CSMD1: variants seen among roughly 807,000 people sequenced by gnomAD.
CSMD1 encodes the protein CUB and Sushi multiple domains 1.
CSMD1 carries 213 observed loss-of-function variants against 417.5 expected under a neutral mutation model. The observed-to-expected ratio is 0.51, with a 90% CI of 0.46 to 0.57. The LOEUF (loss-of-function observed/expected upper bound fraction) is 0.57, where lower values mean the gene tolerates loss of function less well. Ranked by LOEUF, CSMD1 falls within the 20% of genes least tolerant of loss-of-function variation. CSMD1 has a pLI of 0.00. For missense variants in CSMD1, 6,923 were observed against 4,529.7 expected, an observed-to-expected ratio of 1.53 and a Z score of -15.17; for synonymous variants, 2,862 against 1,736.8, an observed-to-expected ratio of 1.65 and a Z score of -16.11.
chr8:3,441,036 A>G (rs1563392475), intron 12 of CSMD1, among the ~76,000 whole-genome samples: 1 of 152,198 alleles, frequency 6.6e-6, no homozygotes, highest in African/African-American at 2.4e-5. Flanking sequence ...CACATCCAAA[A>G]TACGAATGCC....
intron 1 of CSMD1, among the ~76,000 whole-genome samples, chr8:4,835,855 G>C (rs1343507538): frequency 6.6e-6 from 1 of 151,668 alleles, no homozygotes; most frequent in East Asian, 1.9e-4. Context: ...AACTACTATG[G>C]TCACTAAGTG....
chr8:4,350,084 T>C (rs1164654070), intron 3 of CSMD1, among the ~76,000 whole-genome samples: 3 of 152,162 alleles, frequency 2.0e-5, no homozygotes, highest in Non-Finnish European at 2.9e-5. Flanking sequence ...CCCTGAAACA[T>C]GACTTATGAG....
intron 25 of CSMD1, among the ~76,000 whole-genome samples, chr8:3,297,727 A>T (rs906010099): frequency 6.6e-6 from 1 of 152,204 alleles, no homozygotes; most frequent in East Asian, 1.9e-4. Flanking sequence ...TAATATTTGT[A>T]TAGCTTTGGG....
chr8:4,392,357 G>C (rs1377233635), intron 3 of CSMD1, among the ~76,000 whole-genome samples: 1 of 152,134 alleles, frequency 6.6e-6, no homozygotes, highest in Admixed American at 6.5e-5. Context: ...ACATGAGGAG[G>C]AGCAGTAAAG....
chr8:3,899,475 G>A (rs764659369), intron 5 of CSMD1, among the ~76,000 whole-genome samples: 1 of 152,162 alleles, frequency 6.6e-6, no homozygotes, highest in East Asian at 1.9e-4. Flanking sequence ...AACCGCAGAG[G>A]TGGGTAGAAA....
intron 1 of CSMD1, among the ~76,000 whole-genome samples, chr8:4,822,006 T>G (rs971628502): frequency 1.3e-5 from 2 of 152,072 alleles, no homozygotes; most frequent in Non-Finnish European, 2.9e-5. Context: ...TGCAATGACT[T>G]CTGATGTCAT....
chr8:3,419,536 G>A (rs888886336), intron 12 of CSMD1, among the ~76,000 whole-genome samples: 14 of 152,084 alleles, frequency 9.2e-5, no homozygotes, highest in Non-Finnish European at 2.1e-4. Flanking sequence ...GTCAGGAGGA[G>A]GATATTCAAG....
chr8:3,413,462 ACAAG>A (rs1812942004), intron 12 of CSMD1, among the ~76,000 whole-genome samples: 1 of 152,184 alleles, frequency 6.6e-6, no homozygotes, highest in Admixed American at 6.5e-5. Context: ...CCTGTGTTGG[ACAAG>A]TCCCTTATCA....
intron 1 of CSMD1, among the ~76,000 whole-genome samples, chr8:4,715,781 C>G (rs1057027526): frequency 6.6e-6 from 1 of 152,130 alleles, no homozygotes; most frequent in Non-Finnish European, 1.5e-5. Flanking sequence ...TTATCTCCCC[C>G]TTCAAAACGA....
intron 2 of CSMD1, among the ~76,000 whole-genome samples, chr8:4,456,984 T>TAAAAA (rs1442562495): frequency 1.0e-4 from 8 of 78,526 alleles, no homozygotes; most frequent in African/African-American, 3.7e-4. Flanking sequence ...TGGTTTTTTT[T>TAAAAA]TAAAAAAAAA....
chr8:4,666,031 T>C (rs559727333), intron 1 of CSMD1, among the ~76,000 whole-genome samples: 24 of 152,152 alleles, frequency 1.6e-4, no homozygotes, highest in Non-Finnish European at 2.5e-4. Flanking sequence ...GTCATTTTTT[T>C]TGTTTTTGCT....
intron 4 of CSMD1, among the ~76,000 whole-genome samples, chr8:4,011,741 C>G (rs1362174125): frequency 6.6e-6 from 1 of 152,070 alleles, no homozygotes. Context: ...ATACTTTTTT[C>G]TCATTTTCTC....
chr8:3,821,713 G>A (rs548862201), intron 5 of CSMD1, among the ~76,000 whole-genome samples: 4 of 152,176 alleles, frequency 2.6e-5, no homozygotes, highest in South Asian at 4.1e-4. Context: ...ACCCAGGAGC[G>A]GGAGGTTGCA....
At chr8:4,295,908 C>T (rs1165771161) in intron 3 of CSMD1, among the ~76,000 whole-genome samples, 2 of 151,340 alleles carry the variant, frequency 1.3e-5, no homozygotes, top group Non-Finnish European at 2.9e-5. Flanking sequence ...GCCTGCTTCA[C>T]TAATTACTCC....
At chr8:4,373,852 A>C (rs1414916950) in intron 3 of CSMD1, among the ~76,000 whole-genome samples, 1 of 152,196 alleles carries the variant, frequency 6.6e-6, no homozygotes, top group African/African-American at 2.4e-5. Flanking sequence ...TTCTATGTAT[A>C]TGTATAATTC....
chr8:3,771,073 A>G (rs2623638), intron 5 of CSMD1, among the ~76,000 whole-genome samples: 44,869 of 151,684 alleles, frequency 0.3, 7,668 homozygotes, highest in African/African-American at 0.48. Flanking sequence ...GTGGTGGACA[A>G]TAGTCTTGGG....
intron 5 of CSMD1, among the ~76,000 whole-genome samples, chr8:3,805,911 A>T (rs1047184089): frequency 6.6e-6 from 1 of 152,106 alleles, no homozygotes; most frequent in East Asian, 1.9e-4. Context: ...TGTAGTGGAC[A>T]TGCTCACCAG....
intron 23 of CSMD1, among the ~76,000 whole-genome samples, chr8:3,329,965 A>G (rs1307801740): frequency 6.6e-6 from 1 of 152,166 alleles, no homozygotes. Flanking sequence ...ACAATCATCT[A>G]TTGATAGTTA....
At chr8:4,154,649 G>A (rs527717127) in intron 3 of CSMD1, among the ~76,000 whole-genome samples, 1 of 152,170 alleles carries the variant, frequency 6.6e-6, no homozygotes, top group East Asian at 1.9e-4. Context: ...AAAAGGAATT[G>A]TATTCTAGTC....
Sources: allele counts gnomAD v4.1 joint callset (sites outside exome capture counted in the v4.1 genomes callset), GRCh38; gene constraint gnomAD v4.1.1; transcripts MANE v1.5; gene names NCBI Gene and HGNC (gene_info 2026-07-23, HGNC 2026-07-21).